The following MINDY2 variants were observed in gnomAD, a reference collection of about 807,000 sequenced individuals.
MINDY2 encodes the protein ubiquitin carboxyl-terminal hydrolase MINDY-2.
Under a neutral mutation model 68.2 loss-of-function variants are expected in MINDY2, and 52 were observed. That is an observed-to-expected ratio of 0.76 (90% CI 0.61 to 0.96). The LOEUF (loss-of-function observed/expected upper bound fraction) is 0.96, where lower values mean the gene tolerates loss of function less well. MINDY2 is among the 40% of genes least tolerant of loss of function. The pLI is 0.00. For synonymous variants in MINDY2, 372 were observed against 303.0 expected, an observed-to-expected ratio of 1.23 and a Z score of -2.36; for missense variants, 881 against 773.4, an observed-to-expected ratio of 1.14 and a Z score of -1.65.
chr15:58,843,614 T>C (rs2032381790), intron 6 of MINDY2, among the ~76,000 whole-genome samples: 1 of 152,032 alleles, frequency 6.6e-6, no homozygotes, highest in Non-Finnish European at 1.5e-5. Context: ...ATTAACAACA[T>C]ACCTGACAGT....
intron 2 of MINDY2, among the ~76,000 whole-genome samples, chr15:58,802,073 G>T (rs938661760): frequency 6.8e-5 from 10 of 146,768 alleles, no homozygotes; most frequent in Non-Finnish European, 1.3e-4. Context: ...AACATGGAAT[G>T]ATGCTGAAAT....
At chr15:58,801,227 G>T (rs1426773530) in intron 2 of MINDY2, among the ~76,000 whole-genome samples, 1 of 151,564 alleles carries the variant, frequency 6.6e-6, no homozygotes, top group African/African-American at 2.4e-5. Context: ...ACCCTCCTCG[G>T]CCTCCCAATG....
rs1270893819 is a variant in MINDY2 at position 58,857,061 on chromosome 15, G to A, written c.*2451G>A. ...ACAAGGAAAAACTAAAAAATGTAAT[G>A]TGTTAATTCAGCCTTTTTCTATGTA... On this transcript the variant is annotated 3_prime_UTR_variant, in exon 9 of 9. Coordinates refer to ENST00000559228, the MANE Select transcript of MINDY2 (RefSeq NM_001040450.3). 1.3e-5 allele frequency: 2 copies of A among 152,146 alleles called. No individual in the cohort carries two copies. The highest frequency in any genetic ancestry group is 2.4e-5 in the African/African-American group (1 of 41,426). 9.4% of individuals were successfully genotyped at this position (152,146 alleles called of 1,614,324 possible).
chr15:58,837,704 A>C (rs2032064882), intron 6 of MINDY2, among the ~76,000 whole-genome samples: 1 of 152,116 alleles, frequency 6.6e-6, no homozygotes, highest in Non-Finnish European at 1.5e-5. Context: ...CCAGGCTTAC[A>C]CATGTAATTG....
chr15:58,818,902 A>C (rs1480733165), intron 4 of MINDY2, among the ~76,000 whole-genome samples: 2 of 152,070 alleles, frequency 1.3e-5, no homozygotes, highest in Non-Finnish European at 2.9e-5. Flanking sequence ...CAGCTTCCCA[A>C]AGTGCTGGGA....
intron 4 of MINDY2, among the ~76,000 whole-genome samples, chr15:58,818,012 A>G (rs1178296429): frequency 6.6e-6 from 1 of 152,226 alleles, no homozygotes; most frequent in Non-Finnish European, 1.5e-5. Context: ...CAAAAGACAA[A>G]TGAGTAACCA....
chr15:58,791,640 GTGTGTGTGTGTGTGTGTGTGTA>G, intron 2 of MINDY2, among the ~76,000 whole-genome samples: 1 of 149,906 alleles, frequency 6.7e-6, no homozygotes, highest in Non-Finnish European at 1.5e-5. Context: ...GTGTGTGTGT[GTGTGTGTGTGTGTGTGTGTGTA>G]TGTGTGTGTG....
intron 3 of MINDY2, among the ~76,000 whole-genome samples, chr15:58,808,748 G>C (rs1411736613): frequency 6.6e-6 from 1 of 152,104 alleles, no homozygotes; most frequent in Non-Finnish European, 1.5e-5. Context: ...GGGACTACAG[G>C]TGCCCACCAC....
At chr15:58,796,587 C>T (rs531125396) in intron 2 of MINDY2, among the ~76,000 whole-genome samples, 7 of 152,316 alleles carry the variant, frequency 4.6e-5, no homozygotes, top group Admixed American at 1.3e-4. Context: ...TGCAGTGGCA[C>T]GATCTTGCTC....
At chr15:58,821,988 G>T (rs993661390) in intron 5 of MINDY2, among the ~76,000 whole-genome samples, 169 bp downstream of exon 5, 1 of 152,042 alleles carries the variant, frequency 6.6e-6, no homozygotes, top group Non-Finnish European at 1.5e-5. Flanking sequence ...AGTGGCTCCC[G>T]CCTGTAATCC....
At chr15:58,814,206 C>T (rs2030517045) in intron 4 of MINDY2, among the ~76,000 whole-genome samples, 1 of 152,166 alleles carries the variant, frequency 6.6e-6, no homozygotes, top group East Asian at 1.9e-4. Context: ...TCCCAGAGTG[C>T]TGCGATTACA....
intron 1 of MINDY2, among the ~76,000 whole-genome samples, chr15:58,777,837 A>G (rs969751840): frequency 6.6e-6 from 1 of 152,090 alleles, no homozygotes; most frequent in Admixed American, 6.5e-5. Flanking sequence ...TGCCCCAGCT[A>G]GTCTCAAACT....
chr15:58,801,537 A>G (rs1170768095), intron 2 of MINDY2, among the ~76,000 whole-genome samples: 1 of 152,170 alleles, frequency 6.6e-6, no homozygotes. Flanking sequence ...AAGGTACTAC[A>G]TATATTTAAA....
chr15:58,834,913 G>A (rs759862181), intron 6 of MINDY2, among the ~76,000 whole-genome samples: 1 of 152,188 alleles, frequency 6.6e-6, no homozygotes, highest in Non-Finnish European at 1.5e-5. Flanking sequence ...CTAGATGTAT[G>A]TCAGATGTGG....
intron 3 of MINDY2, among the ~76,000 whole-genome samples, chr15:58,807,804 A>C (rs762279014): frequency 1.6e-4 from 24 of 152,072 alleles, no homozygotes; most frequent in Non-Finnish European, 2.8e-4. Flanking sequence ...ACAACTTTTC[A>C]CTTTTATTTT....
rs1403610346 is a variant in MINDY2 at position 58,772,133 on chromosome 15, G to C, written c.738G>C (p.Lys246Asn). 1.2e-6 allele frequency: 2 copies of C among 1,614,126 alleles called. No homozygotes were observed. The highest frequency in any genetic ancestry group is 1.7e-6 in the Non-Finnish European group (2 of 1,180,034). ...CGGGACAATCTGTGTATCACATCAA[G>C]TGGATCCAGTGGAAGGAAGAGAACA... ...RFPGQSVYHI[K>N]WIQWKEENTP... Residue 246 changes from lysine to asparagine, a missense_variant, in exon 1 of 9, where the codon AAG becomes AAC. Physicochemically the swap from Lys to Asn is moderately conservative, Grantham distance 94. Transcript: ENST00000559228.
At chr15:58,828,106 C>T (rs568076449) in intron 5 of MINDY2, among the ~76,000 whole-genome samples, 34 of 150,404 alleles carry the variant, frequency 2.3e-4, no homozygotes, top group African/African-American at 5.1e-4. Context: ...TGCAGTGAGC[C>T]GAGATAGCGC....
At chr15:58,841,054 T>C (rs901837430) in intron 6 of MINDY2, among the ~76,000 whole-genome samples, 1 of 151,484 alleles carries the variant, frequency 6.6e-6, no homozygotes, top group Non-Finnish European at 1.5e-5. Context: ...TGATCTTGGC[T>C]CACTGCAACC....
Position 58,828,455 on chromosome 15 carries a change from G to C in MINDY2, c.1226-3319G>C, listed in dbSNP as rs76035762. 4.5e-4 allele frequency among the ~76,000 whole-genome samples: 68 copies of C among 151,202 alleles called. 3 individuals are homozygous for C. The East Asian group carries it at 0.013, about 28-fold the overall frequency. On this transcript the variant is annotated intron_variant, in intron 5 of 8. Coordinates refer to ENST00000559228, the MANE Select transcript of MINDY2 (RefSeq NM_001040450.3). ...CTATTTCTACTTTCTATTCCTTTTTGACTAATTATAGTACCTCTGTAACTT... is the reference window on the plus strand; with the variant it reads ...CTATTTCTACTTTCTATTCCTTTTTCACTAATTATAGTACCTCTGTAACTT...
Sources: gnomAD v4.1 joint callset for allele counts (sites outside exome capture counted in the v4.1 genomes callset) on GRCh38, gnomAD v4.1.1 for gene constraint, MANE v1.5 for transcripts, NCBI Gene and HGNC (gene_info 2026-07-23, HGNC 2026-07-21) for gene names.